The following CDKAL1 variants were observed in gnomAD, a reference collection of about 807,000 sequenced individuals.
The protein encoded by CDKAL1 is CDKAL1 threonylcarbamoyladenosine tRNA methylthiotransferase, also known as threonylcarbamoyladenosine tRNA methylthiotransferase.
A neutral mutation model predicts 68.2 loss-of-function variants in CDKAL1; 32 were observed. That is an observed-to-expected ratio of 0.47 (90% confidence interval 0.35 to 0.63). CDKAL1 has a LOEUF of 0.63. Among genes scored for constraint, CDKAL1 ranks in the 30% least tolerant of loss-of-function variants. The pLI is 0.00. For synonymous variants in CDKAL1, 234 were observed against 244.3 expected, an observed-to-expected ratio of 0.96 and a Z score of 0.39; for missense variants, 606 against 696.7, an observed-to-expected ratio of 0.87 and a Z score of 1.47.
chr6:21,220,140 G>T (rs76381616), intron 15 of CDKAL1, among the ~76,000 whole-genome samples: 3,336 of 152,194 alleles, frequency 0.022, 129 homozygotes, highest in African/African-American at 0.075. Context: ...GGGATTACAG[G>T]CTTCATGGTT....
intron 12 of CDKAL1, among the ~76,000 whole-genome samples, chr6:21,067,141 C>G (rs1476748427): frequency 6.6e-6 from 1 of 152,118 alleles, no homozygotes; most frequent in South Asian, 2.1e-4. Flanking sequence ...CCAGTCAGAT[C>G]AAGAAATTGA....
chr6:20,920,703 G>T (rs1437646774), intron 9 of CDKAL1, among the ~76,000 whole-genome samples: 1 of 152,068 alleles, frequency 6.6e-6, no homozygotes, highest in African/African-American at 2.4e-5. Flanking sequence ...AATTGTTTGT[G>T]GGCTGTATGC....
chr6:20,823,807 C>T (rs181100444), intron 8 of CDKAL1, among the ~76,000 whole-genome samples: 26 of 152,278 alleles, frequency 1.7e-4, no homozygotes, highest in Middle Eastern at 6.8e-3. Flanking sequence ...AGAATTACTA[C>T]ATTTTGTAAA....
intron 4 of CDKAL1, among the ~76,000 whole-genome samples, chr6:20,612,913 C>G (rs1766683281): frequency 6.6e-6 from 1 of 151,246 alleles, no homozygotes; most frequent in African/African-American, 2.4e-5. Context: ...AAAACCCATA[C>G]AGTAAGTAAT....
chr6:21,014,008 G>T (rs1768162113), intron 11 of CDKAL1, among the ~76,000 whole-genome samples: 1 of 152,100 alleles, frequency 6.6e-6, no homozygotes, highest in Admixed American at 6.5e-5. Flanking sequence ...TCTGTCTCAT[G>T]GTCCATGATG....
chr6:21,164,958 A>G (rs9460603), intron 13 of CDKAL1, among the ~76,000 whole-genome samples: 37,773 of 152,176 alleles, frequency 0.25, 5,060 homozygotes, highest in African/African-American at 0.32. Context: ...CACTGGGAAG[A>G]TTTCTCTTTA....
chr6:20,653,425 T>C (rs890536330), intron 5 of CDKAL1, among the ~76,000 whole-genome samples: 1 of 152,118 alleles, frequency 6.6e-6, no homozygotes. Flanking sequence ...GTGATGATGG[T>C]ATTTCGTTTT....
At chr6:20,845,691 T>C (rs1279017313) in intron 8 of CDKAL1, among the ~76,000 whole-genome samples, 2 of 152,154 alleles carry the variant, frequency 1.3e-5, no homozygotes, top group African/African-American at 4.8e-5. Context: ...ATAGTGTGTA[T>C]AAGGAATACC....
chr6:21,052,926 T>C (rs751392967), intron 11 of CDKAL1, among the ~76,000 whole-genome samples: 3 of 152,226 alleles, frequency 2.0e-5, no homozygotes, highest in Non-Finnish European at 4.4e-5. Flanking sequence ...GAGTATGTTA[T>C]GGAAGATTCA....
At chr6:20,670,524 C>T (rs1273351372) in intron 5 of CDKAL1, among the ~76,000 whole-genome samples, 7 of 152,130 alleles carry the variant, frequency 4.6e-5, no homozygotes, top group Admixed American at 4.6e-4. Flanking sequence ...CTTCTCCTTC[C>T]ATTTATTTAT....
At chr6:21,013,137 A>G (rs1344956768) in intron 11 of CDKAL1, among the ~76,000 whole-genome samples, 8 of 152,172 alleles carry the variant, frequency 5.3e-5, no homozygotes, top group Admixed American at 5.2e-4. Context: ...ATGGGGCACC[A>G]ACCTTCTGAG....
At chr6:20,969,609 T>C (rs912336555) in intron 10 of CDKAL1, among the ~76,000 whole-genome samples, 4 of 152,216 alleles carry the variant, frequency 2.6e-5, no homozygotes, top group Non-Finnish European at 4.4e-5. Context: ...CTTAGCTTAA[T>C]AGTCAGCTAA....
chr6:20,932,666 C>T (rs1200011573), intron 9 of CDKAL1, among the ~76,000 whole-genome samples: 3 of 152,060 alleles, frequency 2.0e-5, no homozygotes, highest in African/African-American at 4.8e-5. Context: ...GCCAGAGTCC[C>T]CTAACACCAA....
chr6:21,160,512 G>A (rs190113035), intron 13 of CDKAL1, among the ~76,000 whole-genome samples: 2 of 149,966 alleles, frequency 1.3e-5, no homozygotes, highest in Non-Finnish European at 3.0e-5. Context: ...TGGTCAGGCT[G>A]GTCTCGAACT....
At position 21,030,417 on chromosome 6, in the gene CDKAL1, C is replaced by T. The variant is rs373558067; in HGVS notation, c.1055+30045C>T. On this transcript the variant is annotated intron_variant, in intron 11 of 15. Transcript: ENST00000274695. ...CTAGATGACGGGTTGATAGGTGCAG[C>T]AGACCACCATGGCACACGTATACCT... is the stretch of plus-strand genomic sequence containing the variant. Among the ~76,000 whole-genome samples the T allele has an allele frequency of 2.0e-5, 3 of 152,052 alleles. No individual in the cohort carries two copies. In the South Asian group the frequency reaches 6.2e-4, roughly 32 times the overall value.
At chr6:20,890,157 C>A (rs1761315374) in intron 9 of CDKAL1, among the ~76,000 whole-genome samples, 1 of 152,206 alleles carries the variant, frequency 6.6e-6, no homozygotes, top group Non-Finnish European at 1.5e-5. Context: ...CACACAGTGA[C>A]AAAACACCTG....
chr6:20,906,103 A>G (rs1051335591), intron 9 of CDKAL1, among the ~76,000 whole-genome samples: 2 of 152,236 alleles, frequency 1.3e-5, no homozygotes, highest in African/African-American at 4.8e-5. Context: ...TGTTTTCTAC[A>G]TGATTTTAGA....
intron 9 of CDKAL1, among the ~76,000 whole-genome samples, chr6:20,868,458 T>A (rs867475749): frequency 2.0e-5 from 3 of 152,252 alleles, no homozygotes; most frequent in Non-Finnish European, 4.4e-5. Context: ...TTGTGCTGAA[T>A]AAGCACTTAT....
intron 11 of CDKAL1, among the ~76,000 whole-genome samples, chr6:21,010,854 C>T (rs1372631177): frequency 2.0e-5 from 3 of 152,072 alleles, no homozygotes; most frequent in East Asian, 1.9e-4. Context: ...GAGGCCGAGG[C>T]GGGCAGATCA....
Sources: gnomAD v4.1 joint callset for allele counts (sites outside exome capture counted in the v4.1 genomes callset) on GRCh38, gnomAD v4.1.1 for gene constraint, MANE v1.5 for transcripts, NCBI Gene and HGNC (gene_info 2026-07-23, HGNC 2026-07-21) for gene names.